GPCPD1: variants seen among roughly 807,000 people sequenced by gnomAD.
GPCPD1 encodes the protein glycerophosphocholine phosphodiesterase 1.
GPCPD1 carries 29 observed loss-of-function variants against 89.2 expected under a neutral mutation model. That is an observed-to-expected ratio of 0.33 (90% CI 0.24 to 0.44). GPCPD1 has a LOEUF of 0.44. Among genes scored for constraint, GPCPD1 ranks in the 20% least tolerant of loss-of-function variants. The pLI is 1.00. For synonymous variants in GPCPD1, 258 were observed against 266.3 expected, an observed-to-expected ratio of 0.97 and a Z score of 0.30; for missense variants, 594 against 808.9, an observed-to-expected ratio of 0.73 and a Z score of 3.22.
chr20:5,608,669 A>G (rs1980757486), intron 1 of GPCPD1, among the ~76,000 whole-genome samples: 1 of 152,216 alleles, frequency 6.6e-6, no homozygotes, highest in Non-Finnish European at 1.5e-5. Context: ...TTCTGGATAT[A>G]CATAAAAACA....
At chr20:5,567,617 A>C (rs542630990) in intron 12 of GPCPD1, 57 bp from the exon 13 acceptor site, 4 of 1,443,810 alleles carry the variant, frequency 2.8e-6, no homozygotes, top group Non-Finnish European at 3.7e-6. Context: ...AATTAAGAGA[A>C]AAGTAAGCCC....
intron 8 of GPCPD1, among the ~76,000 whole-genome samples, chr20:5,577,157 C>T (rs1366471368): frequency 3.3e-5 from 5 of 149,920 alleles, no homozygotes; most frequent in Non-Finnish European, 5.9e-5. Context: ...CTCCGCCTCC[C>T]AGGTTCAAGC....
intron 15 of GPCPD1, 56 bp downstream of exon 15, chr20:5,564,961 A>C: frequency 1.2e-6 from 1 of 833,052 alleles, no homozygotes; most frequent in East Asian, 2.4e-5. Context: ...AAAGTAAATT[A>C]TTCATACATG....
chr20:5,586,243 TATCACTTGACATGGAC>T lies in GPCPD1; in HGVS notation c.242_257del (p.Gly81GlufsTer14). 1 of 1,597,102 alleles carries T rather than the reference TATCACTTGACATGGAC, an allele frequency of 6.3e-7. No homozygotes were observed. Among genetic ancestry groups the T allele is most frequent in the Non-Finnish European group, 8.6e-7 (1 of 1,164,636 alleles). ...GTAGATGAGTCTCCCACTTGTGAAC[TATCACTTGACATGGAC>T]CACCGATAGTCTGCAATTTAAAAGT... On this transcript the variant is annotated frameshift_variant, in exon 5 of 20. Transcript: ENST00000379019. LOFTEE classifies it high-confidence loss of function.
intron 19 of GPCPD1, among the ~76,000 whole-genome samples, chr20:5,552,128 T>C (rs902755320): frequency 1.3e-5 from 2 of 152,106 alleles, no homozygotes; most frequent in African/African-American, 4.8e-5. Context: ...TATCAAACTA[T>C]TTGAATTTTA....
At chr20:5,568,618 A>G (rs1986533958) in intron 12 of GPCPD1, among the ~76,000 whole-genome samples, 2 of 152,164 alleles carry the variant, frequency 1.3e-5, no homozygotes, top group African/African-American at 4.8e-5. Flanking sequence ...AGTAAACTGT[A>G]GCTTGGCCGG....
At chr20:5,596,848 T>A (rs1409608608) in intron 3 of GPCPD1, among the ~76,000 whole-genome samples, 1 of 152,228 alleles carries the variant, frequency 6.6e-6, no homozygotes, top group Non-Finnish European at 1.5e-5. Flanking sequence ...CTTCTCCCTG[T>A]GAAACACTGT....
In GPCPD1 at chr20:5,586,370, A is replaced by G. The variant is rs980493137; in HGVS notation, c.232-101T>C. ...TGGCCTAAATCTTATACTAAATATG[A>G]GACCAAAAGATTCATCTTATTATCA... On this transcript the variant is annotated intron_variant, in intron 4 of 19. Coordinates refer to ENST00000379019, the MANE Select transcript of GPCPD1 (RefSeq NM_019593.5). 7 of 647,902 alleles carry G rather than the reference A, an allele frequency of 1.1e-5. No homozygotes were observed. The African/African-American group carries it at 1.3e-4, about 12-fold the overall frequency. The allele number at this position is 647,902 out of a possible 1,614,324, so 40.1% of individuals were successfully genotyped here. A position where few individuals can be genotyped will look rare whatever the true frequency, so the allele number is the denominator to read the frequency against.
At chr20:5,551,772 A>C (rs1045938826) in intron 19 of GPCPD1, among the ~76,000 whole-genome samples, 1 of 152,124 alleles carries the variant, frequency 6.6e-6, no homozygotes, top group Non-Finnish European at 1.5e-5. Flanking sequence ...GTCTCAAAAA[A>C]ATAAAAAGAA....
rs760816371 is a variant in GPCPD1, at chr20:5,575,397, C to T, written c.1001+16G>A. Reference sequence around the variant, plus strand: ...AGCTACACCAAATGCTAATCCTACTCAAATATTCAACTTACTGGGCAGTTG... The same window carrying T: ...AGCTACACCAAATGCTAATCCTACTTAAATATTCAACTTACTGGGCAGTTG... On this transcript the variant is annotated intron_variant, in intron 10 of 19. Transcript: ENST00000379019. 1.3e-6 allele frequency: 2 copies of T among 1,588,090 alleles called. No homozygotes were observed. The highest frequency in any genetic ancestry group is 1.7e-6 in the Non-Finnish European group (2 of 1,160,706).
intron 1 of GPCPD1, among the ~76,000 whole-genome samples, chr20:5,609,609 G>C (rs987410419): frequency 6.6e-6 from 1 of 151,964 alleles, no homozygotes; most frequent in Non-Finnish European, 1.5e-5. Flanking sequence ...ATTCATCAAC[G>C]TACTTTATGT....
chr20:5,574,029 A>G, intron 10 of GPCPD1, 60 bp from the exon 11 acceptor site: 1 of 914,344 alleles, frequency 1.1e-6, no homozygotes, highest in Non-Finnish European at 1.8e-6. Context: ...CAAATGTAAT[A>G]AAGAAGCAAA....
chr20:5,562,581 A>C (rs1265314844), intron 15 of GPCPD1, among the ~76,000 whole-genome samples: 1 of 152,128 alleles, frequency 6.6e-6, no homozygotes, highest in South Asian at 2.1e-4. Flanking sequence ...TGTGCCCGGC[A>C]GATTATTTTA....
chr20:5,604,795 A>ACACACACAC (rs1425851337), intron 1 of GPCPD1, among the ~76,000 whole-genome samples: 1 of 151,032 alleles, frequency 6.6e-6, no homozygotes, highest in Non-Finnish European at 1.5e-5. Flanking sequence ...ACACACACAC[A>ACACACACAC]CACACACACA....
intron 19 of GPCPD1, chr20:5,549,530 T>C: frequency 9.8e-7 from 1 of 1,021,826 alleles, no homozygotes. Context: ...AGAGACCAAG[T>C]CAAGCAATCG....
At chr20:5,557,872 T>C in intron 19 of GPCPD1, 73 bp downstream of exon 19, 1 of 830,108 alleles carries the variant, frequency 1.2e-6, no homozygotes, top group Non-Finnish European at 1.9e-6. Flanking sequence ...CTAAGTTTAA[T>C]TTTATTTATA....
intron 6 of GPCPD1, among the ~76,000 whole-genome samples, chr20:5,581,070 T>C (rs1210252693): frequency 4.6e-5 from 7 of 152,034 alleles, no homozygotes; most frequent in Middle Eastern, 3.2e-3. Flanking sequence ...GGTGTCACCA[T>C]GCTGGCCAAG....
chr20:5,581,094 C>A (rs1348236429), intron 6 of GPCPD1, among the ~76,000 whole-genome samples: 3 of 152,004 alleles, frequency 2.0e-5, no homozygotes, highest in Admixed American at 2.0e-4. Context: ...GTCTCAAACT[C>A]CTAAACTCCT....
intron 19 of GPCPD1, among the ~76,000 whole-genome samples, chr20:5,550,164 A>G (rs542446731): frequency 8.6e-5 from 13 of 152,030 alleles, no homozygotes; most frequent in Admixed American, 2.6e-4. Flanking sequence ...ACTGAACCCC[A>G]GCCTGGATGA....
Sources: gnomAD v4.1 joint callset for allele counts (sites outside exome capture counted in the v4.1 genomes callset) on GRCh38, gnomAD v4.1.1 for gene constraint, MANE v1.5 for transcripts, NCBI Gene and HGNC (gene_info 2026-07-23, HGNC 2026-07-21) for gene names.